RGS6: variants seen among roughly 807,000 people sequenced by gnomAD.
RGS6 encodes the protein regulator of G protein signaling 6.
A neutral mutation model predicts 78.5 loss-of-function variants in RGS6; 30 were observed. That is an observed-to-expected ratio of 0.38 (90% CI 0.29 to 0.52). RGS6 has a LOEUF of 0.52. RGS6 is among the 20% of genes least tolerant of loss of function. The pLI, the probability that RGS6 is intolerant of heterozygous loss-of-function variation, is 0.85. For missense variants in RGS6, 495 were observed against 609.7 expected, an observed-to-expected ratio of 0.81 and a Z score of 1.98; for synonymous variants, 206 against 206.0, an observed-to-expected ratio of 1.00 and a Z score of 0.00.
the RGS6 span, among the ~76,000 whole-genome samples, chr14:71,919,974 A>G: frequency 9.2e-5 from 14 of 152,210 alleles, no homozygotes; most frequent in Non-Finnish European, 1.9e-4. Flanking sequence ...AGCCTGGGTA[A>G]CAGAGCAAGG....
intron 3 of RGS6, among the ~76,000 whole-genome samples, chr14:72,367,330 T>C (rs1009298551): frequency 6.6e-6 from 1 of 152,212 alleles, no homozygotes; most frequent in Non-Finnish European, 1.5e-5. Flanking sequence ...CTACAGCCTG[T>C]ATGAATTTGG....
At chr14:72,500,941 G>A (rs187311092) in intron 13 of RGS6, among the ~76,000 whole-genome samples, 14 of 152,238 alleles carry the variant, frequency 9.2e-5, no homozygotes, top group African/African-American at 3.1e-4. Context: ...CAGGAGGTGC[G>A]ATATGTACCC....
chr14:72,305,592 G>T (rs553246879), intron 2 of RGS6, among the ~76,000 whole-genome samples: 1 of 152,004 alleles, frequency 6.6e-6, no homozygotes, highest in African/African-American at 2.4e-5. Context: ...TAATTGCTTT[G>T]GGGCACCATG....
intron 17 of RGS6, among the ~76,000 whole-genome samples, chr14:72,542,274 G>T (rs1252181262): frequency 6.6e-6 from 1 of 152,150 alleles, no homozygotes; most frequent in African/African-American, 2.4e-5. Flanking sequence ...TAAGTTTGGG[G>T]AATAATATGA....
chr14:72,386,640 T>G (rs572811114), intron 3 of RGS6, among the ~76,000 whole-genome samples: 1 of 152,238 alleles, frequency 6.6e-6, no homozygotes, highest in Admixed American at 6.5e-5. Context: ...GGGCAGGAGC[T>G]CAGATGCAGG....
At chr14:72,421,630 G>A (rs909928555) in intron 3 of RGS6, 1 of 152,256 alleles carries the variant, frequency 6.6e-6, no homozygotes, top group Admixed American at 6.5e-5. Context: ...AGGGGCCGTG[G>A]TAGAGGGGAG....
chr14:72,298,450 TTTTTTCCC>T (rs1428469729), intron 2 of RGS6, among the ~76,000 whole-genome samples: 53 of 74,594 alleles, frequency 7.1e-4, no homozygotes, highest in African/African-American at 7.0e-3. Flanking sequence ...TTTTTTTTTT[TTTTTTCCC>T]CCCCTCTGAG....
chr14:72,188,005 G>T (rs997164948), intron 2 of RGS6, among the ~76,000 whole-genome samples: 4 of 151,848 alleles, frequency 2.6e-5, no homozygotes, highest in African/African-American at 9.7e-5. Flanking sequence ...TCAGCTTAGT[G>T]CCACATTTTA....
intron 3 of RGS6, among the ~76,000 whole-genome samples, chr14:72,412,009 G>C (rs2093450740): frequency 6.6e-6 from 1 of 152,132 alleles, no homozygotes; most frequent in Non-Finnish European, 1.5e-5. Flanking sequence ...GTTCATCAAG[G>C]ATATTGGTCT....
intron 2 of RGS6, among the ~76,000 whole-genome samples, chr14:72,138,320 T>A (rs956135099): frequency 1.3e-5 from 2 of 152,086 alleles, no homozygotes; most frequent in African/African-American, 4.8e-5. Flanking sequence ...TCCAGCAGCA[T>A]CATAGAAATG....
At chr14:72,497,810 T>C (rs902243440) in intron 13 of RGS6, among the ~76,000 whole-genome samples, 2 of 152,096 alleles carry the variant, frequency 1.3e-5, no homozygotes, top group African/African-American at 2.4e-5. Flanking sequence ...AACTTAACTC[T>C]TTCTTTAACT....
chr14:72,117,355 C>T (rs1390322556), intron 2 of RGS6, among the ~76,000 whole-genome samples: 1 of 152,078 alleles, frequency 6.6e-6, no homozygotes, highest in East Asian at 1.9e-4. Flanking sequence ...GTTCACACAG[C>T]ATCTGGTTGT....
At chr14:72,582,819 A>G in the RGS6 span, among the ~76,000 whole-genome samples, 1 of 152,092 alleles carries the variant, frequency 6.6e-6, no homozygotes, top group Non-Finnish European at 1.5e-5. Flanking sequence ...TCATGGTGTG[A>G]TGATTGATTT....
chr14:72,259,250 T>G (rs1310575307), intron 2 of RGS6, among the ~76,000 whole-genome samples: 1 of 152,230 alleles, frequency 6.6e-6, no homozygotes, highest in African/African-American at 2.4e-5. Flanking sequence ...TTAAGTTTTC[T>G]TTCAAAATCA....
At position 72,563,111 on chromosome 14, in the gene RGS6, G is replaced by A. The variant is rs1017802880; in HGVS notation, c.*644G>A. 14 of 329,692 alleles carry A rather than the reference G, an allele frequency of 4.2e-5. No individual in the cohort carries two copies. Among genetic ancestry groups the A allele is most frequent in the Admixed American group, 1.9e-4 (5 of 25,808 alleles). The allele number at this position is 329,692 out of a possible 1,614,324, so 20.4% of individuals were successfully genotyped here. A position where few individuals can be genotyped will look rare whatever the true frequency, so the allele number is the denominator to read the frequency against. On this transcript the variant is annotated 3_prime_UTR_variant, in exon 18 of 18. Transcript: ENST00000553525. The stretch of plus-strand genomic sequence containing the variant: ...TCTTTCCACCCTCTTTGAGATCAGC[G>A]TTCGGAGAGGTCCCCGCCAGCCCGG...
At chr14:72,619,313 A>C in the RGS6 span, 1 of 1,536,110 alleles carries the variant, frequency 6.5e-7, no homozygotes, top group Non-Finnish European at 8.7e-7. Context: ...CTGGCAGCCA[A>C]AGGCTGAGGC....
intron 2 of RGS6, among the ~76,000 whole-genome samples, chr14:72,062,677 T>A (rs2093951645): frequency 1.3e-5 from 2 of 152,240 alleles, no homozygotes; most frequent in African/African-American, 4.8e-5. Flanking sequence ...AGGAGAATGT[T>A]CAAGATGTTG....
chr14:72,031,277 A>T (rs541174533), intron 2 of RGS6, among the ~76,000 whole-genome samples: 1 of 152,308 alleles, frequency 6.6e-6, no homozygotes, highest in Non-Finnish European at 1.5e-5. Flanking sequence ...CTATGAATGG[A>T]TACTTAGGAA....
At chr14:72,331,748 G>T (rs1278418363) in intron 2 of RGS6, among the ~76,000 whole-genome samples, 1 of 151,984 alleles carries the variant, frequency 6.6e-6, no homozygotes, top group Non-Finnish European at 1.5e-5. Context: ...CTTCTTCAAG[G>T]CCACTCACCC....
Sources: allele counts gnomAD v4.1 joint callset (sites outside exome capture counted in the v4.1 genomes callset), GRCh38; gene constraint gnomAD v4.1.1; transcripts MANE v1.5; gene names NCBI Gene and HGNC (gene_info 2026-07-23, HGNC 2026-07-21).